The following GRM8 variants were observed in gnomAD, a reference collection of about 807,000 sequenced individuals.
The protein encoded by GRM8 is metabotropic glutamate receptor 8.
A neutral mutation model predicts 87.2 loss-of-function variants in GRM8; 47 were observed. That is an observed-to-expected ratio of 0.54 (90% CI 0.43 to 0.69). The LOEUF is 0.69. Among genes scored for constraint, GRM8 ranks in the 30% least tolerant of loss-of-function variants. The probability of loss-of-function intolerance (pLI) is 0.00; values close to 1 mark genes in which losing one functional copy is unlikely to be tolerated. For synonymous variants in GRM8, 396 were observed against 404.5 expected, an observed-to-expected ratio of 0.98 and a Z score of 0.25; for missense variants, 1,019 against 1,139.2, an observed-to-expected ratio of 0.89 and a Z score of 1.52.
At chr7:126,632,189 AAAAC>A (rs1379739341) in intron 7 of GRM8, among the ~76,000 whole-genome samples, 1 of 152,202 alleles carries the variant, frequency 6.6e-6, no homozygotes, top group African/African-American at 2.4e-5. Context: ...TTATAAGAAA[AAAAC>A]AAACAAGTCC....
At chr7:126,642,828 A>T (rs781115200) in intron 7 of GRM8, among the ~76,000 whole-genome samples, 1 of 152,062 alleles carries the variant, frequency 6.6e-6, no homozygotes, top group Non-Finnish European at 1.5e-5. Context: ...TCCACTCAAG[A>T]GCCAGGTGAT....
At chr7:126,707,871 G>A (rs1340179554) in intron 7 of GRM8, among the ~76,000 whole-genome samples, 3 of 151,960 alleles carry the variant, frequency 2.0e-5, no homozygotes, top group African/African-American at 7.3e-5. Context: ...AAGAGCACAG[G>A]CAAGAAGAGC....
At chr7:126,535,288 C>T (rs1815519900) in intron 8 of GRM8, among the ~76,000 whole-genome samples, 1 of 152,100 alleles carries the variant, frequency 6.6e-6, no homozygotes, top group Admixed American at 6.5e-5. Context: ...TCATAAAAGG[C>T]ATTTTGGTTT....
intron 9 of GRM8, among the ~76,000 whole-genome samples, chr7:126,485,031 T>C (rs1040962886): frequency 5.9e-5 from 9 of 152,076 alleles, no homozygotes; most frequent in East Asian, 1.9e-4. Context: ...ATTTTCGAGT[T>C]GGTTATCAGA....
At chr7:126,899,127 G>GTGTGTGTGTGTA (rs1186318990) in intron 6 of GRM8, among the ~76,000 whole-genome samples, 2 of 151,834 alleles carry the variant, frequency 1.3e-5, no homozygotes, top group Non-Finnish European at 2.9e-5. Flanking sequence ...GTGTGTGTGT[G>GTGTGTGTGTGTA]TGTGTGTATG....
chr7:126,731,471 T>C (rs1320286515), intron 7 of GRM8, among the ~76,000 whole-genome samples: 1 of 152,088 alleles, frequency 6.6e-6, no homozygotes, highest in African/African-American at 2.4e-5. Context: ...ATTGAAGTAA[T>C]ATTGGCCGAA....
chr7:126,455,338 C>T (rs1308418262), intron 9 of GRM8, among the ~76,000 whole-genome samples: 1 of 151,086 alleles, frequency 6.6e-6, no homozygotes, highest in Non-Finnish European at 1.5e-5. Flanking sequence ...ACCATCTGGC[C>T]CCCATAAATA....
chr7:126,680,027 G>A (rs1348082896), intron 7 of GRM8, among the ~76,000 whole-genome samples: 1 of 109,410 alleles, frequency 9.1e-6, no homozygotes, highest in African/African-American at 3.6e-5. Flanking sequence ...CAAGAGAGCA[G>A]GACTCCATCT....
intron 3 of GRM8, among the ~76,000 whole-genome samples, chr7:126,986,637 A>G (rs1812100325): frequency 6.6e-6 from 1 of 152,202 alleles, no homozygotes; most frequent in South Asian, 2.1e-4. Flanking sequence ...AAATATCCAT[A>G]TACATTAATA....
At chr7:126,784,831 T>A (rs1820463376) in intron 6 of GRM8, among the ~76,000 whole-genome samples, 1 of 152,196 alleles carries the variant, frequency 6.6e-6, no homozygotes, top group Non-Finnish European at 1.5e-5. Context: ...ACTCTGCCTG[T>A]CTATTCAAAG....
chr7:126,888,669 A>T (rs1344736049), intron 6 of GRM8, among the ~76,000 whole-genome samples: 1 of 152,094 alleles, frequency 6.6e-6, no homozygotes, highest in Non-Finnish European at 1.5e-5. Flanking sequence ...CAAAGAACTG[A>T]ATATTGCTCC....
Position 126,468,336 on chromosome 7 carries a change from T to C in GRM8, c.2431-21964A>G, listed in dbSNP as rs1309849621. Among the ~76,000 whole-genome samples the C allele has an allele frequency of 3.3e-5, 5 of 152,112 alleles. No individual in the cohort carries two copies. In the South Asian group the frequency reaches 6.2e-4, roughly 19 times the overall value. ...ATTCTTTTTGATATCAACATGTACA[T>C]TGATAGTCCACCCAATTCCTTGGCC... On this transcript the variant is annotated intron_variant, in intron 9 of 10. Transcript: ENST00000339582.
At chr7:126,452,262 C>T (rs1802695772) in intron 9 of GRM8, among the ~76,000 whole-genome samples, 1 of 136,688 alleles carries the variant, frequency 7.3e-6, no homozygotes, top group South Asian at 2.3e-4. Flanking sequence ...GGAAGGGGAA[C>T]ATCACACCCC....
intron 3 of GRM8, among the ~76,000 whole-genome samples, chr7:126,966,865 G>T (rs1176900485): frequency 6.6e-6 from 1 of 152,184 alleles, no homozygotes; most frequent in African/African-American, 2.4e-5. Context: ...ATTCTGGTCT[G>T]CTCTGATGGA....
intron 7 of GRM8, among the ~76,000 whole-genome samples, chr7:126,668,124 G>A (rs1349092524): frequency 1.3e-5 from 2 of 152,108 alleles, no homozygotes; most frequent in Admixed American, 6.5e-5. Context: ...GGTGGAACCT[G>A]GGATTCCGAC....
intron 7 of GRM8, among the ~76,000 whole-genome samples, chr7:126,752,350 T>C (rs1426791438): frequency 6.6e-6 from 1 of 152,142 alleles, no homozygotes; most frequent in Admixed American, 6.6e-5. Context: ...TGACTAGTTG[T>C]TATCCGATGT....
At chr7:126,564,948 G>T (rs1218701615) in intron 8 of GRM8, among the ~76,000 whole-genome samples, 1 of 152,018 alleles carries the variant, frequency 6.6e-6, no homozygotes, top group African/African-American at 2.4e-5. Context: ...CATTAATAAA[G>T]GATAAAAATT....
chr7:126,650,431 C>T (rs1037153544), intron 7 of GRM8, among the ~76,000 whole-genome samples: 6 of 152,218 alleles, frequency 3.9e-5, no homozygotes, highest in African/African-American at 1.4e-4. Flanking sequence ...AGCATTATAG[C>T]CCCTTTCTAG....
chr7:126,931,688 T>TA (rs36087817), intron 3 of GRM8, among the ~76,000 whole-genome samples: 1 of 152,060 alleles, frequency 6.6e-6, no homozygotes, highest in African/African-American at 2.4e-5. Context: ...TTTGAAGTTG[T>TA]AAAAAAAACT....
Sources: gnomAD v4.1 joint callset for allele counts (sites outside exome capture counted in the v4.1 genomes callset) on GRCh38, gnomAD v4.1.1 for gene constraint, MANE v1.5 for transcripts, NCBI Gene and HGNC (gene_info 2026-07-23, HGNC 2026-07-21) for gene names.